PANK4: variants seen among roughly 807,000 people sequenced by gnomAD.
PANK4 encodes the protein pantothenate kinase 4 (inactive).
Under a neutral mutation model 87.9 loss-of-function variants are expected in PANK4, and 40 were observed. That is an observed-to-expected ratio of 0.46 (90% CI 0.35 to 0.59). The LOEUF is 0.59. Among genes scored for constraint, PANK4 ranks in the 20% least tolerant of loss-of-function variants. The pLI is 0.00. For synonymous variants in PANK4, 524 were observed against 467.4 expected (o/e 1.12, Z -1.56); for missense variants, 926 against 1,072.3 (o/e 0.86, Z 1.90).
rs1224970017 is a variant in PANK4 at position 2,510,302 on chromosome 1, A to C, written c.1939-145T>G. ...AGCCACCTGCTGCTGAGGAGCAGGG[A>C]CCTCGCCTGACCTTGCCACTCTGTG... On this transcript the variant is annotated intron_variant, in intron 16 of 18. Transcript: ENST00000378466. This position sits in a 1 kb window ranked among gnomAD's most constrained non-coding sequence, Gnocchi z 4.9. 1 of 651,204 alleles carries C rather than the reference A, an allele frequency of 1.5e-6. No individual in the cohort carries two copies. The highest frequency in any genetic ancestry group is 2.8e-6 in the Non-Finnish European group (1 of 356,134). 40.3% of individuals were successfully genotyped at this position (651,204 alleles called of 1,614,324 possible).
At chr1:2,517,756 CGCGGCAGTGT>C (rs1235073197) in intron 9 of PANK4, among the ~76,000 whole-genome samples, 7 of 152,262 alleles carry the variant, frequency 4.6e-5, no homozygotes, top group East Asian at 1.9e-4. Flanking sequence ...AGCCACAGTG[CGCGGCAGTGT>C]GCGGCAGAGC....
Position 2,512,987 on chromosome 1 carries a change from C to T in PANK4, c.1628G>A (p.Arg543His), listed in dbSNP as rs141622901. The change falls in exon 13 of 19, where the codon CGC becomes CAC. Residue 543 changes from arginine to histidine, a missense_variant. Arg to His is a conservative substitution (Grantham distance 29). Coordinates refer to ENST00000378466, the MANE Select transcript of PANK4 (RefSeq NM_018216.4). The part of the protein sequence containing the change: ...VALRCFPGVV[R>H]SLDALGWEER... ...CTCCCAGCCCAGCGCGTCCAGGGAG[C>T]GCACGACCCCGGGGAAGCACCTCAG... 524 of 1,611,420 alleles carry T rather than the reference C, an allele frequency of 3.3e-4. No individual in the cohort carries two copies. Among genetic ancestry groups the T allele is most frequent in the Non-Finnish European group, 4.3e-4 (506 of 1,179,018 alleles).
chr1:2,522,307 C>T (rs149895453), intron 1 of PANK4, among the ~76,000 whole-genome samples: 7 of 152,308 alleles, frequency 4.6e-5, no homozygotes, highest in Admixed American at 3.3e-4. Flanking sequence ...GAGAGGCAAA[C>T]GGTGCCGCTG....
rs763780608 is a variant in PANK4 at position 2,515,603 on chromosome 1, G to A, written c.1333C>T (p.Arg445Ter). The part of the protein sequence containing the change: ...TVDLTDDALA[R>*]KYWLTCFEEA... Reference sequence around the variant, plus strand: ...TCAAAGCAGGTGAGCCAGTATTTTCGGGCCAGAGCGTCATCGGTGAGGTCC... The same window carrying A: ...TCAAAGCAGGTGAGCCAGTATTTTCAGGCCAGAGCGTCATCGGTGAGGTCC... The change falls in exon 10 of 19, where the codon CGA becomes TGA. Residue 445 changes from arginine to a stop codon, truncating the protein, a stop_gained. Coordinates refer to ENST00000378466, the MANE Select transcript of PANK4 (RefSeq NM_018216.4). LOFTEE classifies it high-confidence loss of function. The surrounding 1 kb of genome is among the most constrained non-coding windows in gnomAD (Gnocchi z 5.0). 1.2e-6 allele frequency: 2 copies of A among 1,613,082 alleles called. No homozygotes were observed. Among genetic ancestry groups the A allele is most frequent in the African/African-American group, 1.3e-5 (1 of 74,928 alleles).
chr1:2,515,596 T>C lies in PANK4; in HGVS notation c.1340A>G (p.Tyr447Cys), dbSNP rs1171691341. The C allele has an allele frequency of 6.2e-7, 1 of 1,613,190 alleles. No homozygotes were observed. Among genetic ancestry groups the C allele is most frequent in the South Asian group, 1.1e-5 (1 of 91,072 alleles). ...GGCCTCCTCAAAGCAGGTGAGCCAG[T>C]ATTTTCGGGCCAGAGCGTCATCGGT... ...DLTDDALARK[Y>C]WLTCFEEALD... Residue 447 changes from tyrosine to cysteine, a missense_variant, in exon 10 of 19, where the codon TAC (tyrosine) becomes TGC (cysteine). Physicochemically the swap from Tyr to Cys is radical, Grantham distance 194. Transcript: ENST00000378466. This position sits in a 1 kb window ranked among gnomAD's most constrained non-coding sequence, Gnocchi z 5.0.
rs997358835 is a variant in PANK4, at chr1:2,515,304, G to A, written c.1374+258C>T. 2.9e-6 allele frequency: 2 copies of A among 680,630 alleles called. No homozygotes were observed. Among genetic ancestry groups the A allele is most frequent in the African/African-American group, 1.8e-5 (1 of 56,914 alleles). The allele number at this position is 680,630 out of a possible 1,614,324, so 42.2% of individuals were successfully genotyped here. ...CCTAAATTGCTTTTTGAAGGAATGT[G>A]CTAGCTAGCAGAACTATCAGCTGCC... is the stretch of plus-strand genomic sequence containing the variant. On this transcript the variant is annotated intron_variant, in intron 10 of 18. Transcript: ENST00000378466. The surrounding 1 kb of genome is among the most constrained non-coding windows in gnomAD (Gnocchi z 5.0).
At position 2,519,859 on chromosome 1, in the gene PANK4, G is replaced by T. The variant is rs34724650; in HGVS notation, c.795C>A (p.Leu265=). The T allele has an allele frequency of 1.9e-6, 3 of 1,572,630 alleles. No individual in the cohort carries two copies. Among genetic ancestry groups the T allele is most frequent in the Non-Finnish European group, 2.6e-6 (3 of 1,159,594 alleles). Residue 265 remains leucine, a synonymous_variant, in exon 6 of 19, where the codon CTC becomes CTA. Transcript: ENST00000378466. This position sits in a 1 kb window ranked among gnomAD's most constrained non-coding sequence, Gnocchi z 8.3. The stretch of plus-strand genomic sequence containing the variant: ...TGGCGATGAGGTTCCCGCTCAGCCC[G>T]AGAGTCTGGTGGGCGCCGCCGTAGA... The part of the protein sequence containing the change: ...RDVYGGAHQT[L]GLSGNLIASS...
At chr1:2,522,717 CTG>C (rs1262087033) in intron 1 of PANK4, among the ~76,000 whole-genome samples, 1 of 152,174 alleles carries the variant, frequency 6.6e-6, no homozygotes, top group Non-Finnish European at 1.5e-5. Context: ...ACAGAGGGCA[CTG>C]TGTGTGTTAT....
Position 2,526,458 on chromosome 1 carries a change from G to A in PANK4, c.124+6C>T, listed in dbSNP as rs750554352. The A allele has an allele frequency of 9.5e-6, 14 of 1,476,576 alleles. No homozygotes were observed. The highest frequency in any genetic ancestry group is 4.4e-4 in the Middle Eastern group (2 of 4,560). The allele number at this position is 1,476,576 out of a possible 1,614,324, so 91.5% of individuals were successfully genotyped here. On this transcript the variant is annotated splice_donor_region_variant and intron_variant, in intron 1 of 18. Coordinates refer to ENST00000378466, the MANE Select transcript of PANK4 (RefSeq NM_018216.4). ...AGCCCGCGCCCGGCGCCCGGCCTGC[G>A]GCTACCTATGTCGATGGCGAAGCGC...
At chr1:2,516,484 G>A (rs1217940472) in intron 9 of PANK4, among the ~76,000 whole-genome samples, 1 of 152,222 alleles carries the variant, frequency 6.6e-6, no homozygotes, top group Non-Finnish European at 1.5e-5. Flanking sequence ...CACCGCAGCA[G>A]CCGCTGCTCT....
In PANK4 at chr1:2,515,434, G is replaced by T; in HGVS notation, c.1374+128C>A. 2 of 1,050,328 alleles carry T rather than the reference G, an allele frequency of 1.9e-6. No homozygotes were observed. The highest frequency in any genetic ancestry group is 2.9e-6 in the Non-Finnish European group (2 of 687,380). The allele number at this position is 1,050,328 out of a possible 1,614,324, so 65.1% of individuals were successfully genotyped here. A position where few individuals can be genotyped will look rare whatever the true frequency, so the allele number is the denominator to read the frequency against. Reference sequence around the variant, plus strand: ...ACCAAAATCGCCCCCTCACTCAGACGCAGATCAAGGGGTTTCTGGACAACA... The same window carrying T: ...ACCAAAATCGCCCCCTCACTCAGACTCAGATCAAGGGGTTTCTGGACAACA... On this transcript the variant is annotated intron_variant, in intron 10 of 18. Coordinates refer to ENST00000378466, the MANE Select transcript of PANK4 (RefSeq NM_018216.4). This position sits in a 1 kb window ranked among gnomAD's most constrained non-coding sequence, Gnocchi z 5.0.
chr1:2,517,942 T>C (rs1643812425), intron 9 of PANK4, among the ~76,000 whole-genome samples: 1 of 152,208 alleles, frequency 6.6e-6, no homozygotes, highest in Admixed American at 6.5e-5. Context: ...TCCTGCTGAA[T>C]GTTTCCAAAA....
rs755114178 is a variant in PANK4, at chr1:2,511,362, G to A, written c.1809C>T (p.Tyr603=). The A allele has an allele frequency of 1.7e-5, 28 of 1,610,926 alleles. No individual in the cohort carries two copies. The highest frequency in any genetic ancestry group is 1.6e-4 in the East Asian group (7 of 44,874). ...CCTTTAATCTCTGAAGCCACTCGCT[G>A]TAGGAATCCACGAGCCAGGGTCTTT... ...LQERPWLVDS[Y]SEWLQRLKGP... is the part of the protein sequence containing the mutation. The change falls in exon 15 of 19, where the codon TAC becomes TAT. Residue 603 remains tyrosine (Y), a synonymous_variant. Transcript: ENST00000378466.
rs1419272935 is a variant in PANK4, at chr1:2,515,679, C to G, written c.1257G>C (p.Leu419=). 3 of 1,612,496 alleles carry G rather than the reference C, an allele frequency of 1.9e-6. No individual in the cohort carries two copies. The South Asian group carries it at 3.3e-5, about 18-fold the overall frequency. ...LLEMDRLERP[L]VDLPLLLDPP... ...GGTCCAGGAGGAGCGGCAGGTCAAC[C>G]AGTGGCCTCTCCAGCCGGTCCATTT... Residue 419 remains leucine, a synonymous_variant, in exon 10 of 19, where the codon CTG becomes CTC. Transcript: ENST00000378466. This position sits in a 1 kb window ranked among gnomAD's most constrained non-coding sequence, Gnocchi z 5.0.
In PANK4 at chr1:2,519,912, T is replaced by C. The variant is rs1038306405; in HGVS notation, c.742A>G (p.Ser248Gly). Residue 248 changes from serine (S) to glycine (G), a missense_variant, in exon 6 of 19, where the codon AGC becomes GGC. By Grantham distance (56) the Ser-to-Gly change is moderately conservative (BLOSUM62 0). Transcript: ENST00000378466. This position sits in a 1 kb window ranked among gnomAD's most constrained non-coding sequence, Gnocchi z 8.3. ...TCCCGCACCAGCATGTCCACATTGC[T>C]GTGCTGGCCCCTCGAGGCCAGGTGC... ...LLHLASRGQH[S>G]NVDMLVRDVY... 9 of 1,566,868 alleles carry C rather than the reference T, an allele frequency of 5.7e-6. No homozygotes were observed. The highest frequency in any genetic ancestry group is 1.3e-5 in the African/African-American group (1 of 74,152).
At chr1:2,521,916 T>C (rs761466973) in intron 1 of PANK4, 116 bp from the exon 2 acceptor site, 15 of 784,116 alleles carry the variant, frequency 1.9e-5, no homozygotes, top group Non-Finnish European at 3.4e-5. Context: ...AGATGAGGGG[T>C]TTGGGGCTAC....
rs754575770 is a variant in PANK4, at chr1:2,511,694, G to A, written c.1728-11C>T. On this transcript the variant is annotated splice_polypyrimidine_tract_variant and intron_variant, in intron 13 of 18. Coordinates refer to ENST00000378466, the MANE Select transcript of PANK4 (RefSeq NM_018216.4). The stretch of plus-strand genomic sequence containing the variant: ...TCGGATTCAAGGACACTGCATGGAG[G>A]AGGAGAAAAGAAAATTAAGACAACA... 2.4e-5 allele frequency: 37 copies of A among 1,573,198 alleles called. No individual in the cohort carries two copies. The highest frequency in any genetic ancestry group is 1.2e-4 in the Admixed American group (7 of 59,880).
Position 2,520,765 on chromosome 1 carries a change from G to A in PANK4, c.564C>T (p.Pro188=). The A allele has an allele frequency of 6.2e-7, 1 of 1,613,430 alleles. No individual in the cohort carries two copies. The highest frequency in any genetic ancestry group is 8.5e-7 in the Non-Finnish European group (1 of 1,179,870). ...RFQTNHPHIF[P]YLLVNIGSGV... ...CAGAGCCGATATTGACAAGAAGATA[G>A]GGGAAAATGTGGGGGTGGTTGGTCT... Residue 188 remains proline, a synonymous_variant, in exon 4 of 19, where the codon CCC becomes CCT. Transcript: ENST00000378466. The surrounding 1 kb of genome is among the most constrained non-coding windows in gnomAD (Gnocchi z 6.2).
chr1:2,513,770 T>C (rs1329295552), intron 12 of PANK4, among the ~76,000 whole-genome samples: 2 of 152,038 alleles, frequency 1.3e-5, no homozygotes, highest in East Asian at 1.9e-4. Flanking sequence ...GTCACAGCAG[T>C]CCCCACCCCT....
Sources: allele counts gnomAD v4.1 joint callset (sites outside exome capture counted in the v4.1 genomes callset), GRCh38; gene constraint gnomAD v4.1.1; non-coding constraint Gnocchi (gnomAD v3.1); transcripts MANE v1.5; gene names NCBI Gene and HGNC (gene_info 2026-07-23, HGNC 2026-07-21).